Variants in CACNA1E observed in about 807,000 individuals in gnomAD.
The protein encoded by CACNA1E is calcium voltage-gated channel subunit alpha1 E.
In CACNA1E, 40 loss-of-function variants were observed where a neutral mutation model predicts 259.2. That is an observed-to-expected ratio of 0.15 (90% CI 0.12 to 0.20). CACNA1E has a LOEUF of 0.20. Among genes scored for constraint, CACNA1E ranks in the 10% least tolerant of loss-of-function variants. The pLI, the probability that CACNA1E is intolerant of heterozygous loss-of-function variation, is 1.00. For synonymous variants in CACNA1E, 1,104 were observed against 1,138.5 expected (o/e 0.97, Z 0.61); for missense variants, 1,874 against 3,040.1 (o/e 0.62, Z 9.02).
intron 2 of CACNA1E, among the ~76,000 whole-genome samples, chr1:181,460,051 G>A (rs538567463): frequency 1.2e-4 from 19 of 152,234 alleles, no homozygotes; most frequent in African/African-American, 4.6e-4. Flanking sequence ...CTTAATAAAG[G>A]CACCTGAACC....
chr1:181,438,342 A>G (rs2102282094), intron 2 of CACNA1E, among the ~76,000 whole-genome samples: 1 of 152,296 alleles, frequency 6.6e-6, no homozygotes, highest in Non-Finnish European at 1.5e-5. Context: ...CCAAAATTAT[A>G]TTCATGCAAG....
At chr1:181,423,943 C>A (rs1658960108) in intron 2 of CACNA1E, among the ~76,000 whole-genome samples, 1 of 152,118 alleles carries the variant, frequency 6.6e-6, no homozygotes, top group Non-Finnish European at 1.5e-5. Flanking sequence ...TCACTGTATT[C>A]CCCACCATTC....
chr1:181,515,286 G>A (rs1009839151), intron 3 of CACNA1E, among the ~76,000 whole-genome samples: 2 of 152,150 alleles, frequency 1.3e-5, no homozygotes, highest in Non-Finnish European at 2.9e-5. Context: ...TGTGGGCTTG[G>A]GATGAGACTC....
intron 25 of CACNA1E, among the ~76,000 whole-genome samples, chr1:181,742,089 C>G (rs1435338352): frequency 6.6e-6 from 1 of 152,212 alleles, no homozygotes; most frequent in African/African-American, 2.4e-5. Context: ...TCCCACTCCC[C>G]CTCCTTTGGC....
chr1:181,458,231 C>T (rs921990984), intron 2 of CACNA1E, among the ~76,000 whole-genome samples: 7 of 152,168 alleles, frequency 4.6e-5, no homozygotes, highest in African/African-American at 7.2e-5. Context: ...TGCTGGCAGG[C>T]CACGGAGGCA....
At chr1:181,777,723 T>C (rs1660087256) in intron 38 of CACNA1E, among the ~76,000 whole-genome samples, 1 of 152,210 alleles carries the variant, frequency 6.6e-6, no homozygotes. Flanking sequence ...TTTGTGAGGA[T>C]GATATTAAAT....
chr1:181,463,787 CAG>C (rs1344794103), intron 2 of CACNA1E, among the ~76,000 whole-genome samples: 4 of 152,102 alleles, frequency 2.6e-5, no homozygotes, highest in Admixed American at 1.3e-4. Flanking sequence ...TTTTGTCATA[CAG>C]AGTTATTAAT....
At chr1:181,790,720 A>G (rs1179882590) in intron 44 of CACNA1E, among the ~76,000 whole-genome samples, 164 bp downstream of exon 44, 1 of 152,120 alleles carries the variant, frequency 6.6e-6, no homozygotes, top group Non-Finnish European at 1.5e-5. Flanking sequence ...CCAGTTTCTC[A>G]TGTGCTCTGA....
At chr1:181,629,594 A>G (rs538879302) in intron 6 of CACNA1E, among the ~76,000 whole-genome samples, 1 of 152,142 alleles carries the variant, frequency 6.6e-6, no homozygotes, top group Non-Finnish European at 1.5e-5. Flanking sequence ...GGACACCATA[A>G]GTAATGTCAA....
chr1:181,616,973 C>T (rs1655276238), intron 6 of CACNA1E, among the ~76,000 whole-genome samples: 1 of 152,160 alleles, frequency 6.6e-6, no homozygotes. Flanking sequence ...CTCATAATGT[C>T]TCCTTATTAT....
chr1:181,806,125 G>C lies in CACNA1E; in HGVS notation c.*7291G>C, dbSNP rs1028011967. The stretch of plus-strand genomic sequence containing the variant: ...AGAAAGAGGTTCTTGCTTTAAAGCG[G>C]CTCGAAGACAATCTTTATGACTTCA... On this transcript the variant is annotated 3_prime_UTR_variant, in exon 48 of 48. Coordinates refer to ENST00000367573, the MANE Select transcript of CACNA1E (RefSeq NM_001205293.3). 2 of 152,166 alleles carry C rather than the reference G, an allele frequency of 1.3e-5. No homozygotes were observed. Among genetic ancestry groups the C allele is most frequent in the South Asian group, 4.1e-4 (2 of 4,828 alleles). 9.4% of individuals were successfully genotyped at this position (152,166 alleles called of 1,614,324 possible). A position where few individuals can be genotyped will look rare whatever the true frequency, so the allele number is the denominator to read the frequency against.
At chr1:181,457,219 C>T (rs1004025558) in intron 2 of CACNA1E, among the ~76,000 whole-genome samples, 1 of 152,236 alleles carries the variant, frequency 6.6e-6, no homozygotes, top group Non-Finnish European at 1.5e-5. Flanking sequence ...CAAAGGATCT[C>T]TTTGGGGCCT....
chr1:181,753,124 G>A (rs1281857434), intron 27 of CACNA1E, among the ~76,000 whole-genome samples: 1 of 152,178 alleles, frequency 6.6e-6, no homozygotes, highest in Non-Finnish European at 1.5e-5. Flanking sequence ...AGGCCACATA[G>A]CCAGTCAAGC....
intron 6 of CACNA1E, among the ~76,000 whole-genome samples, chr1:181,643,143 T>G (rs1657951804): frequency 1.3e-5 from 2 of 152,128 alleles, no homozygotes; most frequent in South Asian, 4.1e-4. Flanking sequence ...AAACTTTTAT[T>G]ATAGAGATTT....
At chr1:181,587,475 A>T (rs1232985736) in intron 6 of CACNA1E, among the ~76,000 whole-genome samples, 2 of 152,150 alleles carry the variant, frequency 1.3e-5, no homozygotes, top group African/African-American at 4.8e-5. Flanking sequence ...ATGAGAGAAG[A>T]TCAAGAGAGT....
chr1:181,489,944 A>G (rs1664168045), intron 1 of CACNA1E, among the ~76,000 whole-genome samples: 1 of 152,192 alleles, frequency 6.6e-6, no homozygotes, highest in African/African-American at 2.4e-5. Flanking sequence ...ACATGCACAG[A>G]GAGGATGCAC....
chr1:181,649,569 C>G (rs1229414571), intron 6 of CACNA1E, among the ~76,000 whole-genome samples: 1 of 152,168 alleles, frequency 6.6e-6, no homozygotes, highest in Non-Finnish European at 1.5e-5. Flanking sequence ...CTCATTGCAG[C>G]ACTATTCATG....
At chr1:181,750,240 A>G (rs1416431813) in intron 25 of CACNA1E, among the ~76,000 whole-genome samples, 1 of 152,268 alleles carries the variant, frequency 6.6e-6, no homozygotes, top group African/African-American at 2.4e-5. Context: ...AGGCTGGGAC[A>G]GTGGCAATGG....
chr1:181,527,331 G>T (rs1667438260), intron 3 of CACNA1E, among the ~76,000 whole-genome samples: 1 of 152,190 alleles, frequency 6.6e-6, no homozygotes, highest in Non-Finnish European at 1.5e-5. Context: ...CCATATAAGA[G>T]CAGAGTCCTC....
Sources: gnomAD v4.1 joint callset for allele counts (sites outside exome capture counted in the v4.1 genomes callset) on GRCh38, gnomAD v4.1.1 for gene constraint, MANE v1.5 for transcripts, NCBI Gene and HGNC (gene_info 2026-07-23, HGNC 2026-07-21) for gene names.